CNTLN: variants seen among roughly 807,000 people sequenced by gnomAD.
CNTLN encodes centlein, also known as centlein, centrosomal protein.
A neutral mutation model predicts 180.0 loss-of-function variants in CNTLN; 212 were observed. That is an observed-to-expected ratio of 1.18 (90% CI 1.05 to 1.32). The LOEUF is 1.32. Among genes scored for constraint, CNTLN ranks in the 40% most tolerant of loss-of-function variants. The pLI, the probability that CNTLN is intolerant of heterozygous loss-of-function variation, is 0.00. For synonymous variants in CNTLN, 722 were observed against 563.1 expected, an observed-to-expected ratio of 1.28 and a Z score of -3.99; for missense variants, 2,095 against 1,610.9, an observed-to-expected ratio of 1.30 and a Z score of -5.14.
chr9:17,262,722 T>A (rs1827092038), intron 5 of CNTLN, among the ~76,000 whole-genome samples: 1 of 151,278 alleles, frequency 6.6e-6, no homozygotes, highest in Non-Finnish European at 1.5e-5. Context: ...TGCACATGTA[T>A]CTGAGAACTT....
intron 3 of CNTLN, among the ~76,000 whole-genome samples, chr9:17,234,648 T>C (rs1052426309): frequency 1.3e-5 from 2 of 151,658 alleles, no homozygotes; most frequent in Non-Finnish European, 2.9e-5. Flanking sequence ...AGATCAGAAA[T>C]GGAATAAAGG....
At chr9:17,183,703 ATATAAT>A (rs928597326) in intron 2 of CNTLN, among the ~76,000 whole-genome samples, 5 of 152,084 alleles carry the variant, frequency 3.3e-5, no homozygotes, top group Non-Finnish European at 7.4e-5. Flanking sequence ...AATGAACTAG[ATATAAT>A]TATATATAAA....
intron 24 of CNTLN, among the ~76,000 whole-genome samples, chr9:17,485,975 G>A (rs1410481955): frequency 2.0e-5 from 3 of 152,088 alleles, no homozygotes; most frequent in Non-Finnish European, 4.4e-5. Flanking sequence ...CTGGGCAGGT[G>A]GAATCTGAAG....
chr9:17,309,348 T>G, intron 8 of CNTLN, 96 bp downstream of exon 8: 1 of 954,912 alleles, frequency 1.0e-6, no homozygotes, highest in Non-Finnish European at 1.5e-6. Context: ...TATATTTGCA[T>G]TTATTGGAGT....
intron 10 of CNTLN, among the ~76,000 whole-genome samples, chr9:17,339,280 A>T (rs983176470): frequency 6.6e-6 from 1 of 152,198 alleles, no homozygotes; most frequent in East Asian, 1.9e-4. Context: ...TGCAGACTCT[A>T]TAAAGTATTA....
chr9:17,271,238 G>C (rs892129755), intron 5 of CNTLN, among the ~76,000 whole-genome samples: 1 of 151,906 alleles, frequency 6.6e-6, no homozygotes, highest in African/African-American at 2.4e-5. Context: ...ACCGCGCCCA[G>C]CACTATTTTT....
At chr9:17,205,239 A>T (rs1374536835) in intron 2 of CNTLN, among the ~76,000 whole-genome samples, 1 of 152,200 alleles carries the variant, frequency 6.6e-6, no homozygotes, top group Non-Finnish European at 1.5e-5. Context: ...GAGCACACAC[A>T]CTTGTTACCT....
At chr9:17,428,828 A>G (rs1044204414) in intron 18 of CNTLN, among the ~76,000 whole-genome samples, 6 of 152,008 alleles carry the variant, frequency 3.9e-5, no homozygotes, top group African/African-American at 9.7e-5. Context: ...TAGGAAGGAA[A>G]GTTATTTTGG....
At chr9:17,295,531 T>G (rs1174071823) in intron 6 of CNTLN, among the ~76,000 whole-genome samples, 1 of 152,090 alleles carries the variant, frequency 6.6e-6, no homozygotes, top group Non-Finnish European at 1.5e-5. Context: ...TCAGTCCCAA[T>G]GAGAGAACTT....
intron 12 of CNTLN, among the ~76,000 whole-genome samples, chr9:17,352,843 G>A (rs1372460756): frequency 6.6e-6 from 1 of 152,088 alleles, no homozygotes; most frequent in Admixed American, 6.5e-5. Context: ...CTTTCACTTA[G>A]CATAATATTT....
At chr9:17,195,826 G>T (rs1158887119) in intron 2 of CNTLN, among the ~76,000 whole-genome samples, 1 of 151,770 alleles carries the variant, frequency 6.6e-6, no homozygotes, top group African/African-American at 2.4e-5. Context: ...TTTTATTTGT[G>T]GTACTTATTA....
intron 18 of CNTLN, among the ~76,000 whole-genome samples, chr9:17,433,273 C>T (rs1829538902): frequency 6.6e-6 from 1 of 151,058 alleles, no homozygotes; most frequent in Admixed American, 6.6e-5. Flanking sequence ...AGAAAGTTTT[C>T]TTCTATTTTT....
In CNTLN at chr9:17,462,957, G is replaced by T; in HGVS notation, c.3348G>T (p.Lys1116Asn). The T allele has an allele frequency of 6.3e-7, 1 of 1,583,140 alleles. No homozygotes were observed. Among genetic ancestry groups the T allele is most frequent in the South Asian group, 1.2e-5 (1 of 86,348 alleles). The change falls in exon 20 of 26, where the codon AAG (lysine) becomes AAT (asparagine). Residue 1116 changes from lysine (K) to asparagine (N), a missense_variant. By Grantham distance (94) the Lys-to-Asn change is moderately conservative. Coordinates refer to ENST00000380647, the MANE Select transcript of CNTLN (RefSeq NM_017738.4). ...TCACTAAACAGTCATCAAATGTGAA[G>T]ACTTTGAAATTTGAACTCCTAGCAA... ...NELTKQSSNV[K>N]TLKFELLAKE...
chr9:17,460,058 TAA>T (rs1411381367), intron 19 of CNTLN, among the ~76,000 whole-genome samples: 4 of 151,782 alleles, frequency 2.6e-5, no homozygotes, highest in South Asian at 2.1e-4. Context: ...TCGAATATAC[TAA>T]AAGTTTATAT....
In CNTLN at chr9:17,289,650, C is replaced by G. The variant is rs929360386; in HGVS notation, c.984-8540C>G. ...CCCCATCACTTTCAGGTACACCAAT[C>G]AGACGTAGATTTGGTCTTTTCACAT... On this transcript the variant is annotated intron_variant, in intron 6 of 25. Coordinates refer to ENST00000380647, the MANE Select transcript of CNTLN (RefSeq NM_017738.4). 3.9e-5 allele frequency among the ~76,000 whole-genome samples: 5 copies of G among 128,154 alleles called. 1 individual carries two copies. Among genetic ancestry groups the G allele is most frequent in the African/African-American group, 1.7e-4 (5 of 29,524 alleles). The allele number at this position is 128,154 out of a possible 152,430, so 84.1% of individuals were successfully genotyped here. A position where few individuals can be genotyped will look rare whatever the true frequency, so the allele number is the denominator to read the frequency against.
chr9:17,502,173 G>A (rs555030667), intron 25 of CNTLN, among the ~76,000 whole-genome samples: 6 of 152,294 alleles, frequency 3.9e-5, no homozygotes, highest in African/African-American at 1.4e-4. Context: ...TTTTATGAGT[G>A]ATGAACACAC....
At chr9:17,441,314 A>C (rs148565797) in intron 18 of CNTLN, among the ~76,000 whole-genome samples, 245 of 152,314 alleles carry the variant, frequency 1.6e-3, no homozygotes, top group African/African-American at 5.1e-3. Flanking sequence ...GTGTGTAATC[A>C]CTTTTTATTC....
At chr9:17,319,777 G>C (rs1819779840) in intron 8 of CNTLN, among the ~76,000 whole-genome samples, 1 of 152,092 alleles carries the variant, frequency 6.6e-6, no homozygotes, top group Admixed American at 6.5e-5. Flanking sequence ...GAAGAGACTT[G>C]TTAGTAAATT....
At chr9:17,258,539 A>C (rs1158059963) in intron 5 of CNTLN, among the ~76,000 whole-genome samples, 2 of 150,870 alleles carry the variant, frequency 1.3e-5, no homozygotes, top group Admixed American at 6.6e-5. Context: ...ATTTATGGGG[A>C]TGGCATTGAA....
Sources: allele counts gnomAD v4.1 joint callset (sites outside exome capture counted in the v4.1 genomes callset), GRCh38; gene constraint gnomAD v4.1.1; transcripts MANE v1.5; gene names NCBI Gene and HGNC (gene_info 2026-07-23, HGNC 2026-07-21).